Variants in TLE1 observed in about 807,000 individuals in gnomAD.
TLE1 encodes the protein transducin-like enhancer protein 1.
In TLE1, 21 loss-of-function variants were observed where a neutral mutation model predicts 89.8. The observed-to-expected ratio is 0.23, with a 90% CI of 0.17 to 0.34. The LOEUF is 0.34. Ranked by LOEUF, TLE1 falls within the 10% of genes least tolerant of loss-of-function variation. The pLI is 1.00. For synonymous variants in TLE1, 447 were observed against 407.6 expected, an observed-to-expected ratio of 1.10 and a Z score of -1.16; for missense variants, 795 against 1,031.2, an observed-to-expected ratio of 0.77 and a Z score of 3.14.
intron 9 of TLE1, among the ~76,000 whole-genome samples, chr9:81,618,849 C>T (rs7029058): frequency 0.47 from 71,136 of 151,970 alleles, 18,053 homozygotes; most frequent in East Asian, 0.83. Flanking sequence ...AGCTTTGTAC[C>T]GGACCCTTCT....
rs1054259165 is a variant in TLE1, at chr9:81,687,563, A to G, written c.25-129T>C. 5.9e-6 allele frequency: 4 copies of G among 677,190 alleles called. No homozygotes were observed. The African/African-American group carries it at 7.2e-5, about 12-fold the overall frequency. The allele number at this position is 677,190 out of a possible 1,614,324, so 41.9% of individuals were successfully genotyped here. On this transcript the variant is annotated intron_variant, in intron 1 of 19. Coordinates refer to ENST00000376499, the MANE Select transcript of TLE1 (RefSeq NM_005077.5). Reference sequence around the variant, plus strand: ...AGAAGTGGCTGAAAACGAGGCCCCAAACTCGAGTTTGCCCTTCACTATGGG... The same window carrying G: ...AGAAGTGGCTGAAAACGAGGCCCCAGACTCGAGTTTGCCCTTCACTATGGG...
chr9:81,618,689 G>T (rs1824861900), intron 9 of TLE1, among the ~76,000 whole-genome samples: 2 of 152,128 alleles, frequency 1.3e-5, no homozygotes, highest in African/African-American at 4.8e-5. Flanking sequence ...GGTGGTGGTG[G>T]TGAAAAAATA....
chr9:81,602,098 G>A (rs1291795644), intron 14 of TLE1, among the ~76,000 whole-genome samples: 1 of 152,192 alleles, frequency 6.6e-6, no homozygotes, highest in Non-Finnish European at 1.5e-5. Flanking sequence ...GAAGGAGGTA[G>A]CAACTCAAGT....
intron 6 of TLE1, among the ~76,000 whole-genome samples, chr9:81,649,949 A>G (rs1829336914): frequency 6.6e-6 from 1 of 152,192 alleles, no homozygotes; most frequent in Middle Eastern, 3.2e-3. Context: ...CAAACTTGAA[A>G]AGAGCCTTCG....
intron 14 of TLE1, among the ~76,000 whole-genome samples, chr9:81,605,138 C>T (rs1043552336): frequency 5.3e-5 from 8 of 152,128 alleles, no homozygotes; most frequent in African/African-American, 1.9e-4. Flanking sequence ...GCATTCTTTC[C>T]GTGGGTATTT....
rs1339321676 is a variant in TLE1, at chr9:81,689,052, CG to C, written c.-813del. 6.6e-6 allele frequency: 1 copy of C among 152,246 alleles called. No homozygotes were observed. Among genetic ancestry groups the C allele is most frequent in the Non-Finnish European group, 1.5e-5 (1 of 68,088 alleles). The allele number at this position is 152,246 out of a possible 1,614,324, so 9.4% of individuals were successfully genotyped here. ...GCAAGTGCCCAATGCTCCTCGAGCCCGGGGAGCATCAGGGCGCCGCGCCTCG... is the reference window on the plus strand; with the variant it reads ...GCAAGTGCCCAATGCTCCTCGAGCCCGGGAGCATCAGGGCGCCGCGCCTCG... On this transcript the variant is annotated 5_prime_UTR_variant, in exon 1 of 20. The change abolishes the stop of an existing upstream ORF in the 5' untranslated region. Coordinates refer to ENST00000376499, the MANE Select transcript of TLE1 (RefSeq NM_005077.5).
chr9:81,635,297 G>A (rs1294040962), intron 6 of TLE1, among the ~76,000 whole-genome samples: 3 of 152,120 alleles, frequency 2.0e-5, no homozygotes, highest in Admixed American at 6.5e-5. Flanking sequence ...GGGTAGGACC[G>A]TGGATGAGGA....
intron 14 of TLE1, among the ~76,000 whole-genome samples, chr9:81,603,574 C>T (rs987033535): frequency 6.6e-6 from 1 of 152,186 alleles, no homozygotes; most frequent in Non-Finnish European, 1.5e-5. Flanking sequence ...AATAAACTTA[C>T]CAAAATAACC....
At chr9:81,595,589 C>T (rs142587320) in intron 14 of TLE1, among the ~76,000 whole-genome samples, 273 of 152,156 alleles carry the variant, frequency 1.8e-3, no homozygotes, top group African/African-American at 6.1e-3. Context: ...GAGGCCAAGG[C>T]GGGCGGATCA....
chr9:81,615,925 CA>C, intron 11 of TLE1, 56 bp downstream of exon 11: 1 of 1,603,894 alleles, frequency 6.2e-7, no homozygotes, highest in African/African-American at 1.3e-5. Context: ...CAGAGTCCTC[CA>C]GTCCACAATG....
chr9:81,609,207 C>A (rs1563962169), intron 14 of TLE1, among the ~76,000 whole-genome samples: 3 of 152,036 alleles, frequency 2.0e-5, no homozygotes. Flanking sequence ...GTCTCAGCCT[C>A]CCGAGTAGCT....
intron 4 of TLE1, among the ~76,000 whole-genome samples, chr9:81,664,059 G>A (rs1397305400): frequency 6.6e-6 from 1 of 151,962 alleles, no homozygotes; most frequent in Non-Finnish European, 1.5e-5. Flanking sequence ...AGACCATCTG[G>A]CCCACCAGTA....
chr9:81,683,071 C>A (rs554600000), intron 4 of TLE1, among the ~76,000 whole-genome samples: 1 of 152,180 alleles, frequency 6.6e-6, no homozygotes, highest in Non-Finnish European at 1.5e-5. Context: ...AACTTCCAGA[C>A]AGGAAAGTCA....
chr9:81,660,934 A>AACACAAACACAC (rs1830690142), intron 4 of TLE1, among the ~76,000 whole-genome samples: 1 of 88,818 alleles, frequency 1.1e-5, no homozygotes, highest in African/African-American at 4.3e-5. Flanking sequence ...ATCCCTACTA[A>AACACAAACACAC]ACACACACAC....
rs1467487618 is a variant in TLE1, at chr9:81,590,881, C to T, written c.1753G>A (p.Asp585Asn). 3.1e-6 allele frequency: 5 copies of T among 1,614,236 alleles called. No individual in the cohort carries two copies. Among genetic ancestry groups the T allele is most frequent in the East Asian group, 2.2e-5 (1 of 44,882 alleles). Residue 585 changes from aspartate (D) to asparagine (N), a missense_variant, in exon 16 of 20, where the codon GAT becomes AAT. By Grantham distance (23) the Asp-to-Asn change is conservative. This residue lies in a region of TLE1 where 214 missense variants were observed against 354.9 expected (regional missense o/e 0.60). Coordinates refer to ENST00000376499, the MANE Select transcript of TLE1 (RefSeq NM_005077.5). ...CAGCATGAGAAGCAGACCTTGGAATCGGGGCTGATGGCCAGGGCGTAGCAG... is the reference window on the plus strand; with the variant it reads ...CAGCATGAGAAGCAGACCTTGGAATTGGGGCTGATGGCCAGGGCGTAGCAG... ...PACYALAISP[D>N]SKVCFSCCSD...
intron 14 of TLE1, among the ~76,000 whole-genome samples, chr9:81,599,156 CTTTG>C (rs1239199607): frequency 2.0e-5 from 3 of 152,180 alleles, no homozygotes; most frequent in Non-Finnish European, 4.4e-5. Flanking sequence ...TATAGTCAAC[CTTTG>C]TTTGCCACAT....
intron 4 of TLE1, among the ~76,000 whole-genome samples, chr9:81,676,803 A>G (rs892526807): frequency 1.3e-5 from 2 of 152,192 alleles, no homozygotes; most frequent in African/African-American, 2.4e-5. Flanking sequence ...CAGGTTTGAC[A>G]TATGGGCTAG....
At chr9:81,606,484 A>G (rs1373443121) in intron 14 of TLE1, among the ~76,000 whole-genome samples, 1 of 152,156 alleles carries the variant, frequency 6.6e-6, no homozygotes, top group Non-Finnish European at 1.5e-5. Context: ...ACATGGATGA[A>G]GCTGGAAACC....
At chr9:81,636,512 A>G (rs1372008601) in intron 6 of TLE1, among the ~76,000 whole-genome samples, 1 of 152,066 alleles carries the variant, frequency 6.6e-6, no homozygotes, top group Admixed American at 6.5e-5. Context: ...TAAGCACGGC[A>G]CTAATTAAAA....
Sources: gnomAD v4.1 joint callset for allele counts (sites outside exome capture counted in the v4.1 genomes callset) on GRCh38, gnomAD v4.1.1 for gene constraint, gnomAD v4.1.1 regional missense constraint, MANE v1.5 for transcripts, NCBI Gene and HGNC (gene_info 2026-07-23, HGNC 2026-07-21) for gene names.